Variants in PPARGC1A observed in about 807,000 individuals in gnomAD.
The protein encoded by PPARGC1A is peroxisome proliferator-activated receptor gamma coactivator 1-alpha.
In PPARGC1A, 25 loss-of-function variants were observed where a neutral mutation model predicts 88.7. The observed-to-expected ratio is 0.28, with a 90% CI of 0.21 to 0.39. PPARGC1A has a LOEUF of 0.39. Ranked by LOEUF, PPARGC1A falls within the 10% of genes least tolerant of loss-of-function variation. PPARGC1A has a pLI of 1.00. For missense variants in PPARGC1A, 880 were observed against 968.7 expected, an observed-to-expected ratio of 0.91 and a Z score of 1.22; for synonymous variants, 363 against 355.6, an observed-to-expected ratio of 1.02 and a Z score of -0.24.
the PPARGC1A span, among the ~76,000 whole-genome samples, chr4:24,419,852 TG>T: frequency 1.3e-5 from 2 of 152,220 alleles, no homozygotes; most frequent in East Asian, 1.9e-4. Flanking sequence ...TAGGTTTTCA[TG>T]TCCAAATGCA....
chr4:24,054,630 G>A, the PPARGC1A span, among the ~76,000 whole-genome samples: 1 of 152,070 alleles, frequency 6.6e-6, no homozygotes, highest in Non-Finnish European at 1.5e-5. Context: ...TAATTCCCAT[G>A]GTAAAAACAT....
the PPARGC1A span, among the ~76,000 whole-genome samples, chr4:24,156,967 C>T: frequency 6.6e-6 from 1 of 152,070 alleles, no homozygotes; most frequent in South Asian, 2.1e-4. Context: ...TCCACAGTTC[C>T]CATCCCTTCG....
At chr4:23,943,753 G>C in the PPARGC1A span, among the ~76,000 whole-genome samples, 10 of 152,256 alleles carry the variant, frequency 6.6e-5, no homozygotes, top group East Asian at 1.9e-3. Flanking sequence ...GGTGATCAAA[G>C]TTAACATCAT....
the PPARGC1A span, among the ~76,000 whole-genome samples, chr4:24,363,873 G>A: frequency 1.3e-5 from 2 of 152,054 alleles, no homozygotes; most frequent in Admixed American, 6.6e-5. Flanking sequence ...GGAGTTGTAG[G>A]CCCCTCTCCA....
the PPARGC1A span, among the ~76,000 whole-genome samples, chr4:24,245,385 C>T: frequency 6.6e-6 from 1 of 152,174 alleles, no homozygotes; most frequent in Non-Finnish European, 1.5e-5. Context: ...CCGAGCCTGG[C>T]AATTCCAGGA....
chr4:23,961,682 T>C, the PPARGC1A span, among the ~76,000 whole-genome samples: 1 of 152,032 alleles, frequency 6.6e-6, no homozygotes, highest in African/African-American at 2.4e-5. Flanking sequence ...TAAATGGCCA[T>C]GTTCTTCGCC....
chr4:24,237,371 G>A, the PPARGC1A span, among the ~76,000 whole-genome samples: 1 of 152,092 alleles, frequency 6.6e-6, no homozygotes, highest in Non-Finnish European at 1.5e-5. Flanking sequence ...ATAAGTCACA[G>A]TGGTTTTCCT....
At chr4:24,122,436 T>TAAAG in the PPARGC1A span, among the ~76,000 whole-genome samples, 1 of 124,246 alleles carries the variant, frequency 8.0e-6, no homozygotes, top group Non-Finnish European at 1.6e-5. Flanking sequence ...TATATATATA[T>TAAAG]AGAGAGAGAG....
At chr4:24,103,738 G>T in the PPARGC1A span, among the ~76,000 whole-genome samples, 16 of 152,124 alleles carry the variant, frequency 1.1e-4, 1 homozygote, top group Non-Finnish European at 2.9e-5. Flanking sequence ...AGTAACACAG[G>T]CTGACTGCTG....
At chr4:24,416,492 G>A in the PPARGC1A span, among the ~76,000 whole-genome samples, 1 of 152,148 alleles carries the variant, frequency 6.6e-6, no homozygotes, top group African/African-American at 2.4e-5. Flanking sequence ...GGGAGAGAAG[G>A]GCTGAGGGCC....
the PPARGC1A span, among the ~76,000 whole-genome samples, chr4:24,144,092 C>CTT: frequency 6.6e-6 from 1 of 152,208 alleles, no homozygotes; most frequent in Non-Finnish European, 1.5e-5. Context: ...AGAATGATTT[C>CTT]CCTGTAGGGG....
chr4:24,256,879 G>A, the PPARGC1A span, among the ~76,000 whole-genome samples: 1 of 152,162 alleles, frequency 6.6e-6, no homozygotes. Flanking sequence ...GATTCTCAGT[G>A]CTGCTTGTTA....
At chr4:24,020,186 G>A in the PPARGC1A span, among the ~76,000 whole-genome samples, 1 of 152,112 alleles carries the variant, frequency 6.6e-6, no homozygotes. Flanking sequence ...CCCAAAAGCT[G>A]ATGTTTCTAA....
the PPARGC1A span, among the ~76,000 whole-genome samples, chr4:24,138,041 C>A: frequency 6.6e-6 from 1 of 152,142 alleles, no homozygotes; most frequent in African/African-American, 2.4e-5. Context: ...AACCAGGACA[C>A]CAGAAGGCCA....
chr4:24,136,658 G>C, the PPARGC1A span, among the ~76,000 whole-genome samples: 6 of 152,130 alleles, frequency 3.9e-5, no homozygotes, highest in Non-Finnish European at 8.8e-5. Flanking sequence ...ATGTTAAACA[G>C]CCTTTCCCAG....
chr4:24,329,544 C>G, the PPARGC1A span, among the ~76,000 whole-genome samples: 1 of 152,180 alleles, frequency 6.6e-6, no homozygotes, highest in Admixed American at 6.5e-5. Flanking sequence ...CCCTGGGGCT[C>G]TTCCTCTCTC....
chr4:24,041,563 C>T, the PPARGC1A span, among the ~76,000 whole-genome samples: 4 of 152,158 alleles, frequency 2.6e-5, no homozygotes, highest in Admixed American at 6.5e-5. Context: ...TGCTACCTGC[C>T]AGAATCCTAC....
intron 2 of PPARGC1A, among the ~76,000 whole-genome samples, chr4:23,871,106 C>T (rs2148767509): frequency 6.6e-6 from 1 of 152,310 alleles, no homozygotes; most frequent in Middle Eastern, 3.4e-3. Flanking sequence ...ACTTAGTTAT[C>T]TGCCAAGACC....
the PPARGC1A span, among the ~76,000 whole-genome samples, chr4:24,077,918 T>C: frequency 5.9e-5 from 9 of 152,182 alleles, no homozygotes; most frequent in South Asian, 6.2e-4. Context: ...CTCTGTTTTC[T>C]AGTTCATTAA....
Sources: gnomAD v4.1 joint callset for allele counts (sites outside exome capture counted in the v4.1 genomes callset) on GRCh38, gnomAD v4.1.1 for gene constraint, MANE v1.5 for transcripts, NCBI Gene and HGNC (gene_info 2026-07-23, HGNC 2026-07-21) for gene names.